Variants in ADAT3 observed in about 807,000 individuals in gnomAD.
The protein encoded by ADAT3 is adenosine deaminase tRNA specific 3.
Under a neutral mutation model 3.5 loss-of-function variants are expected in ADAT3, and 2 were observed. The observed-to-expected ratio is 0.57, with a 90% confidence interval of 0.23 to 1.79. The LOEUF is 1.79. Among genes scored for constraint, ADAT3 ranks in the 40% most tolerant of loss-of-function variants. The pLI is 0.18. For missense variants in ADAT3, 735 were observed against 571.4 expected, an observed-to-expected ratio of 1.29 and a Z score of -2.92; for synonymous variants, 358 against 270.3, an observed-to-expected ratio of 1.32 and a Z score of -3.18.
At position 1,912,074 on chromosome 19, in the gene ADAT3, C is replaced by G; in HGVS notation, c.27C>G (p.Leu9=). 2.1e-6 allele frequency: 3 copies of G among 1,450,614 alleles called. No homozygotes were observed. Among genetic ancestry groups the G allele is most frequent in the Non-Finnish European group, 2.7e-6 (3 of 1,106,590 alleles). The allele number at this position is 1,450,614 out of a possible 1,614,324, so 89.9% of individuals were successfully genotyped here. The change falls in exon 2 of 2, where the codon CTC becomes CTG. Residue 9 remains leucine (L), a synonymous_variant. Transcript: ENST00000329478. ...TGATCCTCTGCTCCCGTCTCTGTCT[C>G]CCACAGTCGGCCTCGCTGAGGATGG... The part of the protein sequence containing the change: MILCSRLC[L]PQSASLRMEP...
In ADAT3 at chr19:1,913,392, T is replaced by G. The variant is rs995969410; in HGVS notation, c.*241T>G. On this transcript the variant is annotated 3_prime_UTR_variant, in exon 2 of 2. Transcript: ENST00000329478. Reference sequence around the variant, plus strand: ...CCGCCCTTGCTGCGTTTGTGTCCCCTCTGTCTCGCGGGCCGGGAAACTGCT... The same window carrying G: ...CCGCCCTTGCTGCGTTTGTGTCCCCGCTGTCTCGCGGGCCGGGAAACTGCT... The G allele has an allele frequency of 1.6e-6, 1 of 615,052 alleles. No homozygotes were observed. The highest frequency in any genetic ancestry group is 3.0e-5 in the East Asian group (1 of 33,240). The allele number at this position is 615,052 out of a possible 1,614,324, so 38.1% of individuals were successfully genotyped here.
chr19:1,912,751 A>G lies in ADAT3; in HGVS notation c.704A>G (p.Asn235Ser), dbSNP rs1327521851. ...GGCCACGACTGCAGCTGCGCGGACAACCCCCTCCTGCACGCCGTCATGGTG... is the reference window on the plus strand; with the variant it reads ...GGCCACGACTGCAGCTGCGCGGACAGCCCCCTCCTGCACGCCGTCATGGTG... ...ATGHDCSCADNPLLHAVMVCV... is the reference protein window; with the variant it reads ...ATGHDCSCADSPLLHAVMVCV... Residue 235 changes from asparagine (N) to serine (S), a missense_variant, in exon 2 of 2, where the codon AAC becomes AGC. Coordinates refer to ENST00000329478, the MANE Select transcript of ADAT3 (RefSeq NM_138422.4). 1.3e-5 allele frequency: 20 copies of G among 1,549,648 alleles called. No individual in the cohort carries two copies. In the East Asian group the frequency reaches 1.5e-4, roughly 11 times the overall value.
Position 1,912,359 on chromosome 19 carries a change from C to G in ADAT3, c.312C>G (p.His104Gln), listed in dbSNP as rs1264182146. Reference sequence around the variant, plus strand: ...CCAGCCGCGATGCCGGCAGCCCCCACGCCCTGGAGATGCTGCTTTGCCTGG... The same window carrying G: ...CCAGCCGCGATGCCGGCAGCCCCCAGGCCCTGGAGATGCTGCTTTGCCTGG... Reference protein sequence around the residue: ...VRPSRDAGSPHALEMLLCLAG... With the variant: ...VRPSRDAGSPQALEMLLCLAG... Residue 104 changes from histidine to glutamine, a missense_variant, in exon 2 of 2, where the codon CAC (histidine) becomes CAG (glutamine). Coordinates refer to ENST00000329478, the MANE Select transcript of ADAT3 (RefSeq NM_138422.4). 16 of 1,528,986 alleles carry G rather than the reference C, an allele frequency of 1.0e-5. No homozygotes were observed. Among genetic ancestry groups the G allele is most frequent in the Non-Finnish European group, 1.2e-5 (14 of 1,145,666 alleles). The allele number at this position is 1,528,986 out of a possible 1,614,324, so 94.7% of individuals were successfully genotyped here.
At chr19:1,907,147 A>G (rs2013167086) in intron 1 of ADAT3, 1 of 151,778 alleles carries the variant, frequency 6.6e-6, no homozygotes, top group Admixed American at 6.6e-5. Context: ...GGATCGCGCC[A>G]CTGCCCTCCA....
rs143913724 is a variant in ADAT3, at chr19:1,913,292, C to G, written c.*141C>G. 4 of 1,273,968 alleles carry G rather than the reference C, an allele frequency of 3.1e-6. No individual in the cohort carries two copies. Among genetic ancestry groups the G allele is most frequent in the Non-Finnish European group, 4.2e-6 (4 of 943,952 alleles). 78.9% of individuals were successfully genotyped at this position (1,273,968 alleles called of 1,614,324 possible). A position where few individuals can be genotyped will look rare whatever the true frequency, so the allele number is the denominator to read the frequency against. On this transcript the variant is annotated 3_prime_UTR_variant, in exon 2 of 2. Transcript: ENST00000329478. Reference sequence around the variant, plus strand: ...CCGCCTCCAGCGGGGAGCACGGGTGCTGCCTTCCGTGCGGATCGAGCTTTC... The same window carrying G: ...CCGCCTCCAGCGGGGAGCACGGGTGGTGCCTTCCGTGCGGATCGAGCTTTC...
intron 1 of ADAT3, chr19:1,906,915 CA>C (rs2013154462): frequency 1.6e-5 from 2 of 126,808 alleles, no homozygotes; most frequent in African/African-American, 6.3e-5. Flanking sequence ...AGGCTGGGCG[CA>C]GTGGCTCACG....
At position 1,912,752 on chromosome 19, in the gene ADAT3, C is replaced by G; in HGVS notation, c.705C>G (p.Asn235Lys). 3 of 1,550,440 alleles carry G rather than the reference C, an allele frequency of 1.9e-6. No homozygotes were observed. The highest frequency in any genetic ancestry group is 1.7e-6 in the Non-Finnish European group (2 of 1,156,018). ...GCCACGACTGCAGCTGCGCGGACAA[C>G]CCCCTCCTGCACGCCGTCATGGTGT... ...ATGHDCSCAD[N>K]PLLHAVMVCV... The change falls in exon 2 of 2, where the codon AAC becomes AAG. Residue 235 changes from asparagine to lysine, a missense_variant. Asn to Lys is a moderately conservative substitution (Grantham distance 94). Transcript: ENST00000329478.
At position 1,912,236 on chromosome 19, in the gene ADAT3, C is replaced by T. The variant is rs775135139; in HGVS notation, c.189C>T (p.Ala63=). 20 of 1,596,114 alleles carry T rather than the reference C, an allele frequency of 1.3e-5. No individual in the cohort carries two copies. Among genetic ancestry groups the T allele is most frequent in the Admixed American group, 1.0e-4 (6 of 58,174 alleles). The change falls in exon 2 of 2, where the codon GCC becomes GCT. Residue 63 remains alanine (A), a synonymous_variant. Transcript: ENST00000329478. Reference sequence around the variant, plus strand: ...ACGTGGAGCTGGTGCTGGCCTACGCCGCGCCCGTCCTGGACAAGCGCCAGA... The same window carrying T: ...ACGTGGAGCTGGTGCTGGCCTACGCTGCGCCCGTCCTGGACAAGCGCCAGA... The part of the protein sequence containing the change: ...SGDVELVLAY[A]APVLDKRQTS...
At chr19:1,910,622 G>T (rs2013393358) in intron 1 of ADAT3, among the ~76,000 whole-genome samples, 1 of 147,706 alleles carries the variant, frequency 6.8e-6, no homozygotes, top group Non-Finnish European at 1.5e-5. Context: ...CTGTCACCAG[G>T]CTGGAGTGCA....
rs56079725 is a variant in ADAT3, at chr19:1,907,406, G to T, written c.-159+1967G>T. ...AGCCCTGCCTTAAAAAAAAAAAAAAGGTAGAGCAGGAATTCCCATTTCACA... is the reference window on the plus strand; with the variant it reads ...AGCCCTGCCTTAAAAAAAAAAAAAATGTAGAGCAGGAATTCCCATTTCACA... On this transcript the variant is annotated intron_variant, in intron 1 of 1. Transcript: ENST00000329478. Among the ~76,000 whole-genome samples the T allele has an allele frequency of 5.3e-3, 689 of 130,756 alleles. 7 individuals carry two copies. Among genetic ancestry groups the T allele is most frequent in the African/African-American group, 0.022 (661 of 30,466 alleles). 85.8% of individuals were successfully genotyped at this position (130,756 alleles called of 152,430 possible).
chr19:1,912,775 T>C lies in ADAT3; in HGVS notation c.728T>C (p.Val243Ala). ...ADNPLLHAVM[V>A]CVDLVARGQG... ...AACCCCCTCCTGCACGCCGTCATGG[T>C]GTGCGTGGACCTCGTGGCGCGCGGC... The change falls in exon 2 of 2, where the codon GTG (valine) becomes GCG (alanine). Residue 243 changes from valine (V) to alanine (A), a missense_variant. Coordinates refer to ENST00000329478, the MANE Select transcript of ADAT3 (RefSeq NM_138422.4). 1 of 1,567,124 alleles carries C rather than the reference T, an allele frequency of 6.4e-7. No individual in the cohort carries two copies. Among genetic ancestry groups the C allele is most frequent in the Non-Finnish European group, 8.6e-7 (1 of 1,164,654 alleles).
In ADAT3 at chr19:1,912,455, G is replaced by A; in HGVS notation, c.408G>A (p.Leu136=). The change falls in exon 2 of 2, where the codon CTG becomes CTA. Residue 136 remains leucine (L), a synonymous_variant. Transcript: ENST00000329478. ...GGCCGGCTGTGGACCCCCGCGGCCT[G>A]GGGCAACCCTTCCTGGTGCCCGTGC... ...LPRPAVDPRG[L]GQPFLVPVPA... The A allele has an allele frequency of 3.3e-6, 5 of 1,505,840 alleles. No homozygotes were observed. The highest frequency in any genetic ancestry group is 4.4e-6 in the Non-Finnish European group (5 of 1,134,496). 93.3% of individuals were successfully genotyped at this position (1,505,840 alleles called of 1,614,324 possible).
Position 1,913,199 on chromosome 19 carries a change from G to GC in ADAT3, c.*52dup. The GC allele has an allele frequency of 6.8e-7, 1 of 1,466,396 alleles. No individual in the cohort carries two copies. The highest frequency in any genetic ancestry group is 9.0e-7 in the Non-Finnish European group (1 of 1,109,436). 90.8% of individuals were successfully genotyped at this position (1,466,396 alleles called of 1,614,324 possible). ...CCCTTCCCGCTCCCGGCCGTGGGGC[G>GC]CCCCTCCTGGACTTCCGGGCCTCGA... On this transcript the variant is annotated 3_prime_UTR_variant, in exon 2 of 2. Transcript: ENST00000329478.
intron 1 of ADAT3, among the ~76,000 whole-genome samples, chr19:1,910,928 G>A (rs779648902): frequency 1.3e-5 from 2 of 149,428 alleles, no homozygotes; most frequent in African/African-American, 2.5e-5. Flanking sequence ...GTGCAGTGGC[G>A]CGATCTCGGC....
intron 1 of ADAT3, among the ~76,000 whole-genome samples, chr19:1,910,272 G>A (rs909698768): frequency 8.5e-5 from 13 of 152,218 alleles, no homozygotes; most frequent in South Asian, 6.2e-4. Flanking sequence ...AGGCGTTGGC[G>A]GAATTCAGCA....
chr19:1,908,840 A>G lies in ADAT3; in HGVS notation c.-158-3050A>G, dbSNP rs2013280755. 6.6e-6 allele frequency among the ~76,000 whole-genome samples: 1 copy of G among 152,068 alleles called. No homozygotes were observed. The highest frequency in any genetic ancestry group is 2.1e-4 in the South Asian group (1 of 4,826). ...CAATGTGGGCTGGGCACGGTGGCTC[A>G]CACCTGTAATCCCAGCACTTTGGGA... is the stretch of plus-strand genomic sequence containing the variant. On this transcript the variant is annotated intron_variant, in intron 1 of 1. Coordinates refer to ENST00000329478, the MANE Select transcript of ADAT3 (RefSeq NM_138422.4). The surrounding 1 kb of genome is among the most constrained non-coding windows in gnomAD (Gnocchi z 4.2).
chr19:1,906,526 G>A lies in ADAT3; in HGVS notation c.-159+1087G>A, dbSNP rs186118168. 852 of 152,212 alleles carry A rather than the reference G, an allele frequency of 5.6e-3. 11 individuals are homozygous for A. Among genetic ancestry groups the A allele is most frequent in the African/African-American group, 0.02 (817 of 41,486 alleles). 9.4% of individuals were successfully genotyped at this position (152,212 alleles called of 1,614,324 possible). The stretch of plus-strand genomic sequence containing the variant: ...TGCATTCCAGCCTGGGCAACAGAGC[G>A]AGACCCTGTCTCTAAATAAATAAAT... On this transcript the variant is annotated intron_variant, in intron 1 of 1. Transcript: ENST00000329478.
chr19:1,913,006 T>G lies in ADAT3; in HGVS notation c.959T>G (p.Leu320Arg), dbSNP rs758762584. ...ATGGCCCTGGTGCACGCACGCATCC[T>G]GCGCGTCTTCTACGGTGCGCCCTCG... ...CAMALVHARI[L>R]RVFYGAPSPD... Residue 320 changes from leucine (L) to arginine (R), a missense_variant, in exon 2 of 2, where the codon CTG (leucine) becomes CGG (arginine). Transcript: ENST00000329478. 6.8e-6 allele frequency: 11 copies of G among 1,607,674 alleles called. No individual in the cohort carries two copies. The highest frequency in any genetic ancestry group is 7.6e-6 in the Non-Finnish European group (9 of 1,179,322).
Position 1,912,924 on chromosome 19 carries a change from T to C in ADAT3, c.877T>C (p.Tyr293His). 2 of 1,610,146 alleles carry C rather than the reference T, an allele frequency of 1.2e-6. No homozygotes were observed. The highest frequency in any genetic ancestry group is 1.3e-5 in the African/African-American group (1 of 75,002). Residue 293 changes from tyrosine (Y) to histidine (H), a missense_variant, in exon 2 of 2, where the codon TAC becomes CAC. Tyr to His is a moderately conservative substitution (Grantham distance 83). Coordinates refer to ENST00000329478, the MANE Select transcript of ADAT3 (RefSeq NM_138422.4). The stretch of plus-strand genomic sequence containing the variant: ...GGACGCAGACGAGGACGGCCTCCCC[T>C]ACCTGTGCACTGGCTACGACCTGTA... ...KLDADEDGLPYLCTGYDLYVT... is the reference protein window; with the variant it reads ...KLDADEDGLPHLCTGYDLYVT...
Sources: gnomAD v4.1 joint callset for allele counts (sites outside exome capture counted in the v4.1 genomes callset) on GRCh38, gnomAD v4.1.1 for gene constraint, Gnocchi (gnomAD v3.1) non-coding constraint, MANE v1.5 for transcripts, NCBI Gene and HGNC (gene_info 2026-07-23, HGNC 2026-07-21) for gene names.